Variants in ATM observed in about 807,000 individuals in gnomAD.
ATM encodes the protein serine-protein kinase ATM.
A neutral mutation model predicts 387.0 loss-of-function variants in ATM; 308 were observed. That is an observed-to-expected ratio of 0.80 (90% confidence interval 0.73 to 0.87). The LOEUF (loss-of-function observed/expected upper bound fraction) is 0.87. ATM is among the 40% of genes least tolerant of loss of function. ATM has a pLI of 0.00. For synonymous variants in ATM, 1,156 were observed against 1,187.3 expected (o/e 0.97, Z 0.54); for missense variants, 3,312 against 3,560.9 (o/e 0.93, Z 1.78).
intron 9 of ATM, 95 bp from the exon 10 acceptor site, chr11:108,250,602 CTAAT>C (rs2080080084): frequency 1.6e-6 from 2 of 1,278,472 alleles, no homozygotes; most frequent in Admixed American, 1.9e-5. Flanking sequence ...TGGTGATTCT[CTAAT>C]TAGGATATTG....
intron 58 of ATM, chr11:108,346,421 T>C (rs1294310162): frequency 6.5e-6 from 1 of 153,000 alleles, no homozygotes; most frequent in African/African-American, 2.4e-5. Context: ...GAAATTAGAA[T>C]AGGTAGATAG....
At chr11:108,359,880 A>G (rs2090494675) in intron 61 of ATM, among the ~76,000 whole-genome samples, 1 of 152,220 alleles carries the variant, frequency 6.6e-6, no homozygotes. Flanking sequence ...CATCACAATT[A>G]AAAGAGCTAG....
At chr11:108,264,135 G>C (rs2081074305) in intron 16 of ATM, among the ~76,000 whole-genome samples, 1 of 151,808 alleles carries the variant, frequency 6.6e-6, no homozygotes, top group Non-Finnish European at 1.5e-5. Flanking sequence ...ATTTTATGAG[G>C]CCAGCATCAT....
intron 35 of ATM, among the ~76,000 whole-genome samples, chr11:108,302,149 G>T (rs966477929): frequency 2.6e-5 from 4 of 152,084 alleles, no homozygotes; most frequent in African/African-American, 9.7e-5. Context: ...TTATTTCCAT[G>T]TCAAGTTAAC....
chr11:108,326,449 A>C (rs1431706152), intron 47 of ATM, among the ~76,000 whole-genome samples: 1 of 152,180 alleles, frequency 6.6e-6, no homozygotes, highest in Non-Finnish European at 1.5e-5. Flanking sequence ...GATTCATTTA[A>C]TATATCCCAG....
In ATM at chr11:108,264,428, A is replaced by G. The variant is rs2081093614; in HGVS notation, c.2467-2743A>G. Among the ~76,000 whole-genome samples, 5 of 152,232 alleles carry G rather than the reference A, an allele frequency of 3.3e-5. No individual in the cohort carries two copies. In the South Asian group the frequency reaches 6.2e-4, roughly 19 times the overall value. ...CAGAAAAGGCCTTGGACAAAATTCAACAACCCTTCATGCCAAAAACTCTGA... is the reference window on the plus strand; with the variant it reads ...CAGAAAAGGCCTTGGACAAAATTCAGCAACCCTTCATGCCAAAAACTCTGA... On this transcript the variant is annotated intron_variant, in intron 16 of 62. Transcript: ENST00000675843.
intron 5 of ATM, among the ~76,000 whole-genome samples, chr11:108,240,040 C>G (rs2079479085): frequency 6.6e-6 from 1 of 152,166 alleles, no homozygotes; most frequent in Non-Finnish European, 1.5e-5. Context: ...ACAGCATGCC[C>G]TACTGTCAAC....
chr11:108,248,773 A>G (rs1267597319), intron 8 of ATM, among the ~76,000 whole-genome samples, 160 bp from the exon 9 acceptor site: 3 of 151,954 alleles, frequency 2.0e-5, no homozygotes, highest in Non-Finnish European at 4.4e-5. Context: ...CTGTAATCCC[A>G]GCTACTCGGG....
At chr11:108,326,296 T>C (rs2136344891) in intron 47 of ATM, 71 bp downstream of exon 47, 3 of 1,546,752 alleles carry the variant, frequency 1.9e-6, no homozygotes, top group Non-Finnish European at 2.6e-6. Context: ...CTTTAAAATA[T>C]TTTTAATAAC....
intron 16 of ATM, among the ~76,000 whole-genome samples, chr11:108,266,356 A>C (rs1399005441): frequency 6.6e-6 from 1 of 151,182 alleles, no homozygotes; most frequent in Non-Finnish European, 1.5e-5. Flanking sequence ...GAAATTGGAA[A>C]TCATCATTCT....
At chr11:108,248,888 C>CAA (rs35813860) in intron 8 of ATM, 45 bp from the exon 9 acceptor site, 794 of 1,237,894 alleles carry the variant, frequency 6.4e-4, no homozygotes, top group African/African-American at 9.7e-4. Context: ...AACTCTGGCT[C>CAA]AAAAAAAAAA....
intron 25 of ATM, 81 bp from the exon 26 acceptor site, chr11:108,284,140 TATTAAA>T (rs765514838): frequency 7.0e-6 from 7 of 1,006,510 alleles, no homozygotes; most frequent in Non-Finnish European, 1.0e-5. Context: ...ATGCTGATGG[TATTAAA>T]ACAGTTTTTA....
chr11:108,244,228 C>T, intron 6 of ATM, 110 bp downstream of exon 6: 1 of 1,275,544 alleles, frequency 7.8e-7, no homozygotes, highest in Non-Finnish European at 1.1e-6. Context: ...AACATTGATC[C>T]ATCATAACAG....
At chr11:108,251,214 C>T (rs1268860742) in intron 10 of ATM, 142 bp downstream of exon 10, 19 of 1,267,874 alleles carry the variant, frequency 1.5e-5, no homozygotes, top group Middle Eastern at 2.6e-4. Context: ...CTTGTTTGGC[C>T]GAGAAGACTT....
At chr11:108,332,632 C>A (rs997068220) in intron 52 of ATM, 130 bp from the exon 53 acceptor site, 43 of 1,013,658 alleles carry the variant, frequency 4.2e-5, no homozygotes, top group Non-Finnish European at 5.6e-5. Flanking sequence ...TTGTTTGTAT[C>A]TGAGGAATTA....
At chr11:108,310,076 A>G in intron 38 of ATM, 84 bp from the exon 39 acceptor site, 2 of 1,425,100 alleles carry the variant, frequency 1.4e-6, no homozygotes, top group Admixed American at 3.7e-5. Context: ...AGCAGTCACT[A>G]CCATTGTATT....
chr11:108,270,144 G>A lies in ATM; in HGVS notation c.2839-920G>A, dbSNP rs541838857. Among the ~76,000 whole-genome samples, 21 of 152,256 alleles carry A rather than the reference G, an allele frequency of 1.4e-4. No homozygotes were observed. The South Asian group carries it at 4.4e-3, about 32-fold the overall frequency. ...ATTTGGTAGTTCTCGGAAACTGGCT[G>A]CCCAGATAATAACTACCATTATAAC... On this transcript the variant is annotated intron_variant, in intron 18 of 62. Transcript: ENST00000675843.
chr11:108,301,833 A>C, intron 35 of ATM, 44 bp downstream of exon 35: 1 of 1,601,064 alleles, frequency 6.2e-7, no homozygotes, highest in Non-Finnish European at 8.5e-7. Context: ...AGCATATCTA[A>C]AACAGTTCTG....
chr11:108,271,243 T>TA lies in ATM; in HGVS notation c.2922-7dup, dbSNP rs932219783. The TA allele has an allele frequency of 5.0e-6, 8 of 1,612,858 alleles. No homozygotes were observed. Among genetic ancestry groups the TA allele is most frequent in the South Asian group, 4.4e-5 (4 of 91,048 alleles). On this transcript the variant is annotated splice_polypyrimidine_tract_variant and splice_region_variant and intron_variant, in intron 19 of 62. Coordinates refer to ENST00000675843, the MANE Select transcript of ATM (RefSeq NM_000051.4). ...TAAAGTTGAACTTTTTTTTTTTTTTTACCACAGCAATGTGTGTTCTTTGTA... is the reference window on the plus strand; with the variant it reads ...TAAAGTTGAACTTTTTTTTTTTTTTTAACCACAGCAATGTGTGTTCTTTGTA...
Sources: allele counts gnomAD v4.1 joint callset (sites outside exome capture counted in the v4.1 genomes callset), GRCh38; gene constraint gnomAD v4.1.1; transcripts MANE v1.5; gene names NCBI Gene and HGNC (gene_info 2026-07-23, HGNC 2026-07-21).